CHSY3: variants seen among roughly 807,000 people sequenced by gnomAD.
The protein encoded by CHSY3 is N-acetylgalactosaminyl-proteoglycan 3-beta-glucuronosyltransferase 3.
Under a neutral mutation model 67.2 loss-of-function variants are expected in CHSY3, and 35 were observed. The observed-to-expected ratio is 0.52, with a 90% CI of 0.40 to 0.69. The LOEUF (loss-of-function observed/expected upper bound fraction) is 0.69. Among genes scored for constraint, CHSY3 ranks in the 30% least tolerant of loss-of-function variants. The probability of loss-of-function intolerance (pLI) is 0.00; values close to 1 mark genes in which losing one functional copy is unlikely to be tolerated. For synonymous variants in CHSY3, 474 were observed against 434.7 expected (o/e 1.09, Z -1.12); for missense variants, 1,069 against 1,138.5 (o/e 0.94, Z 0.88).
At chr5:129,984,890 T>C (rs1180578540) in intron 2 of CHSY3, among the ~76,000 whole-genome samples, 1 of 152,130 alleles carries the variant, frequency 6.6e-6, no homozygotes, top group East Asian at 1.9e-4. Context: ...TGCTTGTTGA[T>C]TTGTTTAAGT....
At chr5:130,014,174 G>T (rs1180991857) in intron 2 of CHSY3, among the ~76,000 whole-genome samples, 2 of 152,122 alleles carry the variant, frequency 1.3e-5, no homozygotes, top group Non-Finnish European at 2.9e-5. Context: ...TTCAAAAAGT[G>T]TCTAGGAAGT....
At chr5:130,009,298 T>C (rs527585232) in intron 2 of CHSY3, among the ~76,000 whole-genome samples, 1 of 152,072 alleles carries the variant, frequency 6.6e-6, no homozygotes, top group Non-Finnish European at 1.5e-5. Context: ...CCAGAAGAGA[T>C]TGGGAGCCTA....
chr5:130,048,316 G>A (rs1325411960), intron 2 of CHSY3, among the ~76,000 whole-genome samples: 1 of 152,028 alleles, frequency 6.6e-6, no homozygotes, highest in African/African-American at 2.4e-5. Flanking sequence ...TATATAAAAT[G>A]AAATATATAG....
At chr5:130,050,003 A>G (rs1446909805) in intron 2 of CHSY3, among the ~76,000 whole-genome samples, 2 of 152,050 alleles carry the variant, frequency 1.3e-5, no homozygotes, top group African/African-American at 4.8e-5. Flanking sequence ...TGTTTTTTCA[A>G]CACTTTAAAG....
At chr5:130,038,001 G>A (rs535396450) in intron 2 of CHSY3, among the ~76,000 whole-genome samples, 33 of 152,220 alleles carry the variant, frequency 2.2e-4, no homozygotes, top group Non-Finnish European at 4.0e-4. Context: ...AGGATGGTAA[G>A]TGAGATAAAT....
intron 2 of CHSY3, among the ~76,000 whole-genome samples, chr5:129,993,912 A>G (rs1451159973): frequency 6.6e-6 from 1 of 151,938 alleles, no homozygotes; most frequent in Non-Finnish European, 1.5e-5. Context: ...CCTGGTGGTG[A>G]CAAAAATCTC....
At chr5:130,060,984 A>G (rs1275744365) in intron 2 of CHSY3, among the ~76,000 whole-genome samples, 3 of 152,192 alleles carry the variant, frequency 2.0e-5, no homozygotes, top group Admixed American at 6.5e-5. Flanking sequence ...AAATGACCGT[A>G]CTGCCTAAAG....
chr5:130,158,350 A>G (rs913972597), intron 2 of CHSY3, among the ~76,000 whole-genome samples: 5 of 152,014 alleles, frequency 3.3e-5, no homozygotes, highest in Admixed American at 1.3e-4. Context: ...TTGAATTTCA[A>G]CTCTACCATT....
At chr5:130,013,176 C>T (rs1764117541) in intron 2 of CHSY3, among the ~76,000 whole-genome samples, 1 of 152,166 alleles carries the variant, frequency 6.6e-6, no homozygotes, top group Non-Finnish European at 1.5e-5. Context: ...GTCTTGGAGA[C>T]CTCCACCTTT....
chr5:130,108,153 A>G (rs893586140), intron 2 of CHSY3, among the ~76,000 whole-genome samples: 2 of 151,556 alleles, frequency 1.3e-5, no homozygotes, highest in Non-Finnish European at 3.0e-5. Context: ...TCTATAATTT[A>G]TACACTCTAG....
At chr5:129,972,602 A>AGT (rs150508899) in intron 2 of CHSY3, among the ~76,000 whole-genome samples, 65 of 150,416 alleles carry the variant, frequency 4.3e-4, no homozygotes, top group South Asian at 1.3e-3. Flanking sequence ...TGATCTCTGC[A>AGT]GTGTGTGTGT....
chr5:129,956,567 C>T (rs755558700), intron 2 of CHSY3, among the ~76,000 whole-genome samples: 5 of 152,094 alleles, frequency 3.3e-5, no homozygotes, highest in African/African-American at 1.2e-4. Flanking sequence ...AATAATATCC[C>T]ATTTGTCAAT....
At chr5:130,143,810 G>GTATATATATATATA (rs61284287) in intron 2 of CHSY3, among the ~76,000 whole-genome samples, 3 of 56,482 alleles carry the variant, frequency 5.3e-5, no homozygotes, top group African/African-American at 7.3e-5. Flanking sequence ...ATATATGTGT[G>GTATATATATATATA]TATATATATA....
chr5:130,017,572 T>G (rs1764250963), intron 2 of CHSY3, among the ~76,000 whole-genome samples: 1 of 152,178 alleles, frequency 6.6e-6, no homozygotes, highest in African/African-American at 2.4e-5. Flanking sequence ...CCTGTTTTCT[T>G]CAATATGAAA....
At chr5:129,987,525 T>C (rs141828771) in intron 2 of CHSY3, among the ~76,000 whole-genome samples, 37 of 152,304 alleles carry the variant, frequency 2.4e-4, no homozygotes, top group African/African-American at 8.9e-4. Flanking sequence ...AATGAAAATA[T>C]ACCATATTTC....
chr5:130,152,015 C>T lies in CHSY3; in HGVS notation c.1087-32214C>T, dbSNP rs548918980. On this transcript the variant is annotated intron_variant, in intron 2 of 2. Coordinates refer to ENST00000305031, the MANE Select transcript of CHSY3 (RefSeq NM_175856.5). Reference sequence around the variant, plus strand: ...CATATCTATGCCAGGCACTAGGTGCCCTTGAGCCAGCCCAACATTATTCAA... The same window carrying T: ...CATATCTATGCCAGGCACTAGGTGCTCTTGAGCCAGCCCAACATTATTCAA... 2.6e-5 allele frequency among the ~76,000 whole-genome samples: 4 copies of T among 152,238 alleles called. 1 individual carries two copies. The East Asian group carries it at 5.8e-4, about 22-fold the overall frequency.
At chr5:130,086,131 T>C (rs1766612243) in intron 2 of CHSY3, among the ~76,000 whole-genome samples, 1 of 152,076 alleles carries the variant, frequency 6.6e-6, no homozygotes, top group Non-Finnish European at 1.5e-5. Flanking sequence ...TAGGTCCGCT[T>C]GGTGCAGAGC....
At chr5:129,925,275 G>T (rs1324876836) in intron 2 of CHSY3, among the ~76,000 whole-genome samples, 2 of 152,066 alleles carry the variant, frequency 1.3e-5, no homozygotes, top group East Asian at 3.9e-4. Flanking sequence ...TAATGTGGTT[G>T]ATATATAAAC....
chr5:130,159,075 CAGG>C (rs1409681620), intron 2 of CHSY3, among the ~76,000 whole-genome samples: 1 of 151,760 alleles, frequency 6.6e-6, no homozygotes, highest in African/African-American at 2.4e-5. Context: ...GCTGGGATTA[CAGG>C]CGTGAACCAT....
Sources: gnomAD v4.1 joint callset for allele counts (sites outside exome capture counted in the v4.1 genomes callset) on GRCh38, gnomAD v4.1.1 for gene constraint, MANE v1.5 for transcripts, NCBI Gene and HGNC (gene_info 2026-07-23, HGNC 2026-07-21) for gene names.